The following TEKT5 variants were observed in gnomAD, a reference collection of about 807,000 sequenced individuals.
The protein encoded by TEKT5 is tektin-5.
TEKT5 carries 52 observed loss-of-function variants against 48.7 expected under a neutral mutation model. The observed-to-expected ratio is 1.07, with a 90% confidence interval of 0.86 to 1.35. TEKT5 has a LOEUF of 1.35. Among genes scored for constraint, TEKT5 ranks in the 40% most tolerant of loss-of-function variants. The pLI is 0.00. For synonymous variants in TEKT5, 318 were observed against 267.6 expected, an observed-to-expected ratio of 1.19 and a Z score of -1.84; for missense variants, 831 against 641.6, an observed-to-expected ratio of 1.30 and a Z score of -3.19.
At chr16:10,655,344 CA>C (rs1275899913) in intron 5 of TEKT5, among the ~76,000 whole-genome samples, 7 of 152,152 alleles carry the variant, frequency 4.6e-5, no homozygotes, top group African/African-American at 1.7e-4. Flanking sequence ...CTCCTGGTTC[CA>C]ATCCCAGTTC....
At chr16:10,651,279 A>G (rs1319907672) in intron 5 of TEKT5, among the ~76,000 whole-genome samples, 1 of 152,104 alleles carries the variant, frequency 6.6e-6, no homozygotes, top group Non-Finnish European at 1.5e-5. Context: ...TGACCATCCC[A>G]GTTTAAACTG....
At chr16:10,660,844 G>A (rs1898357357) in intron 5 of TEKT5, among the ~76,000 whole-genome samples, 1 of 151,996 alleles carries the variant, frequency 6.6e-6, no homozygotes, top group South Asian at 2.1e-4. Flanking sequence ...GGGATTACAG[G>A]CCCACACCGC....
chr16:10,668,382 G>A (rs1474626944), intron 5 of TEKT5, among the ~76,000 whole-genome samples: 2 of 152,214 alleles, frequency 1.3e-5, no homozygotes, highest in Non-Finnish European at 2.9e-5. Flanking sequence ...TGTCTCATGA[G>A]GAGGGTAGCA....
chr16:10,672,643 T>C (rs1050785791), intron 5 of TEKT5, among the ~76,000 whole-genome samples: 18 of 152,086 alleles, frequency 1.2e-4, no homozygotes, highest in African/African-American at 3.9e-4. Flanking sequence ...TGCAGAAAGA[T>C]GTAAGGAGTA....
intron 5 of TEKT5, among the ~76,000 whole-genome samples, chr16:10,674,747 G>A (rs1179780774): frequency 3.3e-5 from 5 of 151,426 alleles, no homozygotes; most frequent in Non-Finnish European, 5.9e-5. Context: ...AACTACCACT[G>A]TAATTTCCAT....
chr16:10,675,329 G>T (rs901515126), intron 5 of TEKT5, among the ~76,000 whole-genome samples: 2 of 152,122 alleles, frequency 1.3e-5, no homozygotes, highest in African/African-American at 2.4e-5. Flanking sequence ...CACCCAGTGG[G>T]AATCTAAATT....
intron 1 of TEKT5, 95 bp downstream of exon 1, chr16:10,694,215 G>A: frequency 2.3e-6 from 3 of 1,327,994 alleles, no homozygotes; most frequent in Non-Finnish European, 3.1e-6. Context: ...GACCTGCAAG[G>A]TGCCTGCCAC....
At chr16:10,642,441 T>C (rs1335179326) in intron 5 of TEKT5, among the ~76,000 whole-genome samples, 1 of 152,086 alleles carries the variant, frequency 6.6e-6, no homozygotes, top group Non-Finnish European at 1.5e-5. Flanking sequence ...CCTAAGCCTC[T>C]TACCCTGCCC....
At chr16:10,649,830 G>A (rs889143722) in intron 5 of TEKT5, among the ~76,000 whole-genome samples, 1 of 152,126 alleles carries the variant, frequency 6.6e-6, no homozygotes, top group Non-Finnish European at 1.5e-5. Context: ...TTGAGAACAT[G>A]GCATTCCTGC....
chr16:10,649,850 G>A (rs894979640), intron 5 of TEKT5, among the ~76,000 whole-genome samples: 26 of 152,288 alleles, frequency 1.7e-4, no homozygotes, highest in South Asian at 2.1e-4. Context: ...CGCTTGGTAC[G>A]TAGATAATGC....
At position 10,629,209 on chromosome 16, in the gene TEKT5, G is replaced by A. The variant is rs547981745; in HGVS notation, c.1242-1410C>T. On this transcript the variant is annotated intron_variant, in intron 6 of 6. Transcript: ENST00000283025. ...GTTGCACAACATCGTGAATGTACCA[G>A]ATGTCACTGATGGTAAATTTTGTGT... Among the ~76,000 whole-genome samples, 7 of 152,206 alleles carry A rather than the reference G, an allele frequency of 4.6e-5. No individual in the cohort carries two copies. In the East Asian group the frequency reaches 1.4e-3, roughly 29 times the overall value.
intron 3 of TEKT5, among the ~76,000 whole-genome samples, chr16:10,687,707 C>T (rs1898888541): frequency 6.6e-6 from 1 of 152,228 alleles, no homozygotes; most frequent in South Asian, 2.1e-4. Flanking sequence ...GAGCTGAGCC[C>T]ATACCACTGC....
At chr16:10,683,533 T>C (rs1898797505) in intron 3 of TEKT5, among the ~76,000 whole-genome samples, 1 of 152,252 alleles carries the variant, frequency 6.6e-6, no homozygotes, top group Non-Finnish European at 1.5e-5. Flanking sequence ...CCACGATTCT[T>C]GCCAAATACC....
intron 5 of TEKT5, among the ~76,000 whole-genome samples, chr16:10,650,312 G>A (rs1050102794): frequency 4.6e-5 from 7 of 151,896 alleles, no homozygotes; most frequent in African/African-American, 1.7e-4. Context: ...TGTTGGCCAA[G>A]CAGGTCTCGA....
At chr16:10,672,858 G>GT (rs907219244) in intron 5 of TEKT5, among the ~76,000 whole-genome samples, 2,018 of 139,244 alleles carry the variant, frequency 0.014, 15 homozygotes, top group Non-Finnish European at 0.019. Context: ...GTTTTTTTTT[G>GT]TTTTTTTTTT....
chr16:10,647,746 AG>A (rs1898093354), intron 5 of TEKT5, among the ~76,000 whole-genome samples: 1 of 152,226 alleles, frequency 6.6e-6, no homozygotes, highest in Non-Finnish European at 1.5e-5. Context: ...TGGGAAAGGA[AG>A]AGCTAATACT....
At chr16:10,656,657 C>G (rs1898267696) in intron 5 of TEKT5, among the ~76,000 whole-genome samples, 1 of 152,194 alleles carries the variant, frequency 6.6e-6, no homozygotes, top group Non-Finnish European at 1.5e-5. Flanking sequence ...AAACTGATGT[C>G]AAGAGGAAAA....
At chr16:10,691,551 AACAG>A (rs1898976338) in intron 1 of TEKT5, among the ~76,000 whole-genome samples, 1 of 152,164 alleles carries the variant, frequency 6.6e-6, no homozygotes, top group African/African-American at 2.4e-5. Flanking sequence ...TCAGCAGAGA[AACAG>A]ACAGGAAGCC....
intron 5 of TEKT5, among the ~76,000 whole-genome samples, chr16:10,639,771 C>CA (rs1487442527): frequency 6.6e-6 from 1 of 152,240 alleles, no homozygotes; most frequent in Non-Finnish European, 1.5e-5. Flanking sequence ...ACACCTCAGA[C>CA]AGACTGGTTC....
Sources: allele counts gnomAD v4.1 joint callset (sites outside exome capture counted in the v4.1 genomes callset), GRCh38; gene constraint gnomAD v4.1.1; transcripts MANE v1.5; gene names NCBI Gene and HGNC (gene_info 2026-07-23, HGNC 2026-07-21).